POLR3G: variants seen among roughly 807,000 people sequenced by gnomAD.
POLR3G encodes RNA polymerase III subunit G.
Under a neutral mutation model 30.1 loss-of-function variants are expected in POLR3G, and 28 were observed. The observed-to-expected ratio is 0.93, with a 90% confidence interval of 0.69 to 1.27. POLR3G has a LOEUF of 1.27. Among genes scored for constraint, POLR3G ranks in the 50% most tolerant of loss-of-function variants. The probability of loss-of-function intolerance (pLI) is 0.00; values close to 1 mark genes in which losing one functional copy is unlikely to be tolerated. For synonymous variants in POLR3G, 79 were observed against 82.5 expected, an observed-to-expected ratio of 0.96 and a Z score of 0.23; for missense variants, 254 against 264.6, an observed-to-expected ratio of 0.96 and a Z score of 0.28.
At chr5:90,489,574 G>C (rs1309076864) in intron 3 of POLR3G, among the ~76,000 whole-genome samples, 1 of 151,960 alleles carries the variant, frequency 6.6e-6, no homozygotes, top group Non-Finnish European at 1.5e-5. Context: ...GCCTAATACT[G>C]AAATTTTTAA....
intron 6 of POLR3G, among the ~76,000 whole-genome samples, 187 bp from the exon 7 acceptor site, chr5:90,506,341 T>C (rs1358024600): frequency 6.6e-6 from 1 of 152,164 alleles, no homozygotes; most frequent in Non-Finnish European, 1.5e-5. Context: ...AAGAAAATGC[T>C]GGTTTAGTGG....
intron 1 of POLR3G, among the ~76,000 whole-genome samples, chr5:90,475,477 AATT>A (rs1481679927): frequency 6.6e-5 from 2 of 30,524 alleles, no homozygotes; most frequent in Non-Finnish European, 1.2e-4. Flanking sequence ...CCCTTTTTTT[AATT>A]TTATTATTAT....
At chr5:90,491,319 C>T (rs1337878906) in intron 3 of POLR3G, among the ~76,000 whole-genome samples, 1 of 152,182 alleles carries the variant, frequency 6.6e-6, no homozygotes, top group Non-Finnish European at 1.5e-5. Flanking sequence ...TGGTTCCCAG[C>T]TCAGGTTCCT....
intron 1 of POLR3G, among the ~76,000 whole-genome samples, chr5:90,481,507 G>A (rs1751121326): frequency 6.6e-6 from 1 of 152,162 alleles, no homozygotes; most frequent in Admixed American, 6.5e-5. Context: ...ACCAGTTGAT[G>A]TCTCCTGAGA....
chr5:90,495,824 C>A, intron 4 of POLR3G, 91 bp downstream of exon 4: 4 of 1,432,572 alleles, frequency 2.8e-6, no homozygotes, highest in East Asian at 2.6e-5. Context: ...TCTATTTTTA[C>A]CATAGGAAAA....
intron 7 of POLR3G, among the ~76,000 whole-genome samples, chr5:90,508,181 TTTC>T (rs1303404233): frequency 2.0e-5 from 3 of 152,352 alleles, no homozygotes; most frequent in African/African-American, 7.2e-5. Flanking sequence ...GATCAACTTC[TTTC>T]TTCTTATTTC....
chr5:90,497,601 A>G, intron 4 of POLR3G, 55 bp from the exon 5 acceptor site: 2 of 1,557,896 alleles, frequency 1.3e-6, no homozygotes, highest in Non-Finnish European at 1.7e-6. Context: ...GTTATGTTCA[A>G]TGCCACAAAT....
intron 1 of POLR3G, among the ~76,000 whole-genome samples, chr5:90,483,201 G>T (rs1051841553): frequency 6.6e-6 from 1 of 150,438 alleles, no homozygotes; most frequent in Non-Finnish European, 1.5e-5. Context: ...ACTGATTTAA[G>T]GAATAATAAA....
intron 1 of POLR3G, among the ~76,000 whole-genome samples, chr5:90,482,536 T>A (rs940010340): frequency 6.6e-6 from 1 of 152,220 alleles, no homozygotes; most frequent in Non-Finnish European, 1.5e-5. Context: ...TAGACTGCCA[T>A]TGTCGGACTA....
At chr5:90,510,907 T>C (rs1752708589) in intron 7 of POLR3G, among the ~76,000 whole-genome samples, 1 of 151,948 alleles carries the variant, frequency 6.6e-6, no homozygotes, top group Admixed American at 6.5e-5. Flanking sequence ...TTAGTAAAAT[T>C]GATAGGAGAC....
In POLR3G at chr5:90,497,699, T is replaced by TA. The variant is rs1329075589; in HGVS notation, c.354dup (p.Ala119SerfsTer19). The TA allele has an allele frequency of 1.4e-5, 22 of 1,603,840 alleles. No homozygotes were observed. The highest frequency in any genetic ancestry group is 1.8e-5 in the Non-Finnish European group (21 of 1,175,492). On this transcript the variant is annotated frameshift_variant, in exon 5 of 8. Transcript: ENST00000651687. LOFTEE classifies it high-confidence loss of function. ...GAGAGATGATGCCAAGAAATAAATG[T>TA]AAAAAAGGTACATTGACTAATATAA...
At chr5:90,499,099 A>G (rs192674729) in intron 5 of POLR3G, among the ~76,000 whole-genome samples, 48 of 152,340 alleles carry the variant, frequency 3.2e-4, no homozygotes, top group African/African-American at 1.1e-3. Flanking sequence ...AATGTTAAAT[A>G]TATTCTTGGA....
At chr5:90,496,173 G>A (rs961555148) in intron 4 of POLR3G, among the ~76,000 whole-genome samples, 10 of 151,812 alleles carry the variant, frequency 6.6e-5, no homozygotes, top group Non-Finnish European at 8.8e-5. Flanking sequence ...GAGTTTCACC[G>A]TGTTCGCCAG....
At chr5:90,485,473 A>C in intron 1 of POLR3G, 52 bp from the exon 2 acceptor site, 1 of 900,348 alleles carries the variant, frequency 1.1e-6, no homozygotes, top group Non-Finnish European at 1.7e-6. Context: ...TTTTGCTTTA[A>C]AGTGTTGATT....
Position 90,506,542 on chromosome 5 carries a change from AG to A in POLR3G, c.455del (p.Gly152ValfsTer83). ...LKKMEELEKR[G>X]DGEKSDEENE... Reference sequence around the variant, plus strand: ...ACTTATACCAGGAATTGGAAAAAAGAGGTGATGGTGAAAAATCAGATGAGGA... The same window carrying A: ...ACTTATACCAGGAATTGGAAAAAAGAGTGATGGTGAAAAATCAGATGAGGA... On this transcript the variant is annotated frameshift_variant, in exon 7 of 8. Transcript: ENST00000651687. LOFTEE classifies it high-confidence loss of function. 6.2e-7 allele frequency: 1 copy of A among 1,612,762 alleles called. No individual in the cohort carries two copies. The highest frequency in any genetic ancestry group is 8.5e-7 in the Non-Finnish European group (1 of 1,179,602).
chr5:90,494,512 A>C (rs1415022062), intron 3 of POLR3G, among the ~76,000 whole-genome samples: 1 of 152,212 alleles, frequency 6.6e-6, no homozygotes, highest in Non-Finnish European at 1.5e-5. Context: ...TCCCATCAAT[A>C]ATGTATGAGA....
rs59951999 is a variant in POLR3G at position 90,487,378 on chromosome 5, A to ATTTTTTTTTTTT, written c.118-604_118-593dup. 7.5e-4 allele frequency among the ~76,000 whole-genome samples: 43 copies of ATTTTTTTTTTTT among 57,028 alleles called. 3 individuals are homozygous for ATTTTTTTTTTTT. Among genetic ancestry groups the ATTTTTTTTTTTT allele is most frequent in the African/African-American group, 3.1e-3 (39 of 12,634 alleles). 37.4% of individuals were successfully genotyped at this position (57,028 alleles called of 152,430 possible). A position where few individuals can be genotyped will look rare whatever the true frequency, so the allele number is the denominator to read the frequency against. On this transcript the variant is annotated intron_variant, in intron 2 of 7. Coordinates refer to ENST00000651687, the MANE Select transcript of POLR3G (RefSeq NM_006467.3). Reference sequence around the variant, plus strand: ...TTTTCTTTTTTTTTTTGGTACATTAATTTTTTTTTTTTTTTTTTTTTTTTT... The same window carrying ATTTTTTTTTTTT: ...TTTTCTTTTTTTTTTTGGTACATTAATTTTTTTTTTTTTTTTTTTTTTTTTTTTTTTTTTTTT...
chr5:90,495,220 C>T (rs1442095986), intron 3 of POLR3G, among the ~76,000 whole-genome samples: 2 of 152,120 alleles, frequency 1.3e-5, no homozygotes, highest in Non-Finnish European at 2.9e-5. Flanking sequence ...TTAGTATTAC[C>T]TTCCCTTTTT....
At chr5:90,497,405 T>G (rs1276060709) in intron 4 of POLR3G, among the ~76,000 whole-genome samples, 2 of 152,206 alleles carry the variant, frequency 1.3e-5, no homozygotes, top group Non-Finnish European at 2.9e-5. Flanking sequence ...ACCATAAGGT[T>G]TCCTTCACCA....
Sources: gnomAD v4.1 joint callset for allele counts (sites outside exome capture counted in the v4.1 genomes callset) on GRCh38, gnomAD v4.1.1 for gene constraint, MANE v1.5 for transcripts, NCBI Gene and HGNC (gene_info 2026-07-23, HGNC 2026-07-21) for gene names.